EHMT1: variants seen among roughly 807,000 people sequenced by gnomAD.
The protein encoded by EHMT1 is histone-lysine N-methyltransferase EHMT1.
A neutral mutation model predicts 147.2 loss-of-function variants in EHMT1; 15 were observed. The ratio of observed to expected loss-of-function variants is 0.10; its 90% CI spans 0.07 to 0.16. The LOEUF is 0.16. EHMT1 is among the 10% of genes least tolerant of loss of function. The probability of loss-of-function intolerance (pLI) is 1.00; values close to 1 mark genes in which losing one functional copy is unlikely to be tolerated. For synonymous variants in EHMT1, 795 were observed against 709.6 expected (o/e 1.12, Z -1.91); for missense variants, 1,587 against 1,772.4 (o/e 0.90, Z 1.88).
At chr9:137,658,442 C>T (rs972948157) in intron 1 of EHMT1, among the ~76,000 whole-genome samples, 19 of 151,924 alleles carry the variant, frequency 1.3e-4, no homozygotes, top group African/African-American at 4.6e-4. Context: ...TGAGCCACCG[C>T]ACCCAGCGCC....
chr9:137,817,490 C>A lies in EHMT1; in HGVS notation c.3426C>A (p.Ser1142=). The A allele has an allele frequency of 6.2e-7, 1 of 1,614,196 alleles. No homozygotes were observed. The highest frequency in any genetic ancestry group is 8.5e-7 in the Non-Finnish European group (1 of 1,180,026). The change falls in exon 24 of 27, where the codon TCC becomes TCA. Residue 1142 remains serine, a synonymous_variant. Coordinates refer to ENST00000460843, the MANE Select transcript of EHMT1 (RefSeq NM_024757.5). ...GGGACATGGGCTGGGGCGTGCGGTC[C>A]CTGCAGGACATCCCACCAGGCACCT... ...RTRDMGWGVR[S]LQDIPPGTFV...
chr9:137,774,733 C>T (rs1361063056), intron 10 of EHMT1, among the ~76,000 whole-genome samples: 182 of 113,082 alleles, frequency 1.6e-3, no homozygotes, highest in Admixed American at 3.0e-3. Context: ...TATGGTCGCG[C>T]CTGGCCCCCT....
intron 3 of EHMT1, among the ~76,000 whole-genome samples, chr9:137,723,488 T>C (rs928710021): frequency 8.3e-5 from 12 of 144,270 alleles, no homozygotes; most frequent in Non-Finnish European, 1.2e-4. Context: ...GGTGTGTCTG[T>C]GTCTGTGGTT....
intron 1 of EHMT1, among the ~76,000 whole-genome samples, chr9:137,661,667 C>A (rs929849553): frequency 4.6e-5 from 7 of 151,366 alleles, no homozygotes; most frequent in Non-Finnish European, 7.4e-5. Flanking sequence ...TGTATTTTTA[C>A]TAGAGGCAGG....
intron 1 of EHMT1, among the ~76,000 whole-genome samples, chr9:137,671,180 A>G (rs1413036249): frequency 6.6e-6 from 1 of 152,202 alleles, no homozygotes; most frequent in Non-Finnish European, 1.5e-5. Flanking sequence ...TTTATAGCTA[A>G]TAAGTGAGCG....
chr9:137,733,144 T>C (rs1166250653), intron 4 of EHMT1, among the ~76,000 whole-genome samples: 1 of 152,186 alleles, frequency 6.6e-6, no homozygotes, highest in East Asian at 1.9e-4. Flanking sequence ...GTATCAGAAA[T>C]GAAAGATCTG....
At chr9:137,798,417 A>C (rs1204568055) in intron 16 of EHMT1, among the ~76,000 whole-genome samples, 1 of 149,932 alleles carries the variant, frequency 6.7e-6, no homozygotes, top group African/African-American at 2.4e-5. Flanking sequence ...GGAGAGAAAG[A>C]AAAAAAAAAC....
rs749398013 is a variant in EHMT1, at chr9:137,757,911, C to T, written c.1401C>T (p.Ser467=). ...AGTCGTATAAGTCATCTGCAGGAAG[C>T]GCTGAGCAGACGGCACCAGGAGACA... ...GSESYKSSAG[S]AEQTAPGDST... is the part of the protein sequence containing the mutation. Residue 467 remains serine, a synonymous_variant, in exon 9 of 27, where the codon AGC becomes AGT. Coordinates refer to ENST00000460843, the MANE Select transcript of EHMT1 (RefSeq NM_024757.5). 5 of 1,614,016 alleles carry T rather than the reference C, an allele frequency of 3.1e-6. No homozygotes were observed. Among genetic ancestry groups the T allele is most frequent in the Admixed American group, 3.3e-5 (2 of 60,006 alleles).
At chr9:137,812,417 C>T (rs1954567464) in intron 19 of EHMT1, among the ~76,000 whole-genome samples, 1 of 152,220 alleles carries the variant, frequency 6.6e-6, no homozygotes, top group African/African-American at 2.4e-5. Context: ...TGTTGGTGGC[C>T]TGGGATGGAG....
chr9:137,689,708 A>T (rs1405830888), intron 1 of EHMT1, among the ~76,000 whole-genome samples: 1 of 152,220 alleles, frequency 6.6e-6, no homozygotes, highest in Admixed American at 6.5e-5. Context: ...GTCTCAAAAG[A>T]AAAAGAAAAG....
chr9:137,740,853 A>G (rs2136000362), intron 4 of EHMT1, among the ~76,000 whole-genome samples: 1 of 152,186 alleles, frequency 6.6e-6, no homozygotes, highest in Middle Eastern at 3.4e-3. Context: ...CCCAGGCTGG[A>G]GTGCAGTGGT....
At chr9:137,710,702 A>C (rs1412479543) in intron 1 of EHMT1, among the ~76,000 whole-genome samples, 2 of 152,216 alleles carry the variant, frequency 1.3e-5, no homozygotes, top group African/African-American at 4.8e-5. Flanking sequence ...ATATCTAATT[A>C]TATAAATGAT....
intron 1 of EHMT1, among the ~76,000 whole-genome samples, chr9:137,631,246 G>C (rs1225239696): frequency 6.6e-6 from 1 of 151,980 alleles, no homozygotes; most frequent in Non-Finnish European, 1.5e-5. Context: ...AAAAAAATTA[G>C]CCGGGCGTGA....
chr9:137,701,937 G>T (rs1380246607), intron 1 of EHMT1, among the ~76,000 whole-genome samples: 1 of 152,076 alleles, frequency 6.6e-6, no homozygotes, highest in Non-Finnish European at 1.5e-5. Flanking sequence ...GGGATTACAG[G>T]TGCCCGCCAC....
chr9:137,642,869 G>A (rs1304812813), intron 1 of EHMT1, among the ~76,000 whole-genome samples: 3 of 151,984 alleles, frequency 2.0e-5, no homozygotes, highest in Non-Finnish European at 4.4e-5. Context: ...TTTTACTGGC[G>A]CTCTTGATTG....
At chr9:137,780,742 G>A (rs1951380754) in intron 14 of EHMT1, among the ~76,000 whole-genome samples, 1 of 101,428 alleles carries the variant, frequency 9.9e-6, no homozygotes, top group Non-Finnish European at 1.8e-5. Flanking sequence ...GATGACACTG[G>A]GATGTGTGGT....
chr9:137,816,309 C>T, intron 23 of EHMT1: 2 of 557,366 alleles, frequency 3.6e-6, no homozygotes, highest in South Asian at 3.9e-5. Context: ...TGGGTCAGTC[C>T]AGCTAAAAGC....
chr9:137,721,146 C>T (rs1945926417), intron 3 of EHMT1, among the ~76,000 whole-genome samples: 1 of 149,798 alleles, frequency 6.7e-6, no homozygotes, highest in Admixed American at 6.7e-5. Flanking sequence ...AGACTTCTCA[C>T]ACTCACCCCT....
chr9:137,769,885 G>A (rs1009458967), intron 10 of EHMT1, among the ~76,000 whole-genome samples: 1 of 152,050 alleles, frequency 6.6e-6, no homozygotes, highest in African/African-American at 2.4e-5. Flanking sequence ...CACCCAGGCT[G>A]GAGTTCAGTG....
Sources: gnomAD v4.1 joint callset for allele counts (sites outside exome capture counted in the v4.1 genomes callset) on GRCh38, gnomAD v4.1.1 for gene constraint, MANE v1.5 for transcripts, NCBI Gene and HGNC (gene_info 2026-07-23, HGNC 2026-07-21) for gene names.